DAP3: variants seen among roughly 807,000 people sequenced by gnomAD.
DAP3 encodes the protein death associated protein 3, also known as small ribosomal subunit protein mS29.
A neutral mutation model predicts 51.9 loss-of-function variants in DAP3; 28 were observed. The ratio of observed to expected loss-of-function variants is 0.54; its 90% confidence interval spans 0.40 to 0.74. DAP3 has a LOEUF of 0.74. Among genes scored for constraint, DAP3 ranks in the 30% least tolerant of loss-of-function variants. DAP3 has a pLI of 0.00. For missense variants in DAP3, 458 were observed against 483.5 expected (o/e 0.95, Z 0.49); for synonymous variants, 170 against 170.3 (o/e 1.00, Z 0.01).
chr1:155,721,359 T>C (rs1286734224), intron 3 of DAP3, among the ~76,000 whole-genome samples, 158 bp from the exon 4 acceptor site: 1 of 147,748 alleles, frequency 6.8e-6, no homozygotes, highest in African/African-American at 2.5e-5. Flanking sequence ...TATGTATGTG[T>C]ATATATATAT....
At position 155,723,616 on chromosome 1, in the gene DAP3, A is replaced by G. The variant is rs551174169; in HGVS notation, c.271-1766A>G. Among the ~76,000 whole-genome samples, 17 of 152,314 alleles carry G rather than the reference A, an allele frequency of 1.1e-4. No individual in the cohort carries two copies. In the South Asian group the frequency reaches 3.3e-3, roughly 30 times the overall value. ...AGTGCTGGGATTACAGGGATGAGCC[A>G]CCACGCCCAGCCAACATTTGTTTTA... On this transcript the variant is annotated intron_variant, in intron 4 of 12. Coordinates refer to ENST00000368336, the MANE Select transcript of DAP3 (RefSeq NM_004632.4).
upstream of DAP3, chr1:155,688,988 G>T (rs1429580989): frequency 6.2e-7 from 1 of 1,603,060 alleles, no homozygotes; most frequent in Admixed American, 1.7e-5. Flanking sequence ...GGACCGCGGC[G>T]AGGGGATCGA....
In DAP3 at chr1:155,729,134, A is replaced by C. The variant is rs774925517; in HGVS notation, c.684+12A>C. 6 of 1,614,030 alleles carry C rather than the reference A, an allele frequency of 3.7e-6. No homozygotes were observed. Reference sequence around the variant, plus strand: ...AAGTGGTTGAACAGGTATAAGAAAAAACACTGAATGTGTAACATGCGATAA... The same window carrying C: ...AAGTGGTTGAACAGGTATAAGAAAACACACTGAATGTGTAACATGCGATAA... On this transcript the variant is annotated intron_variant, in intron 8 of 12. Coordinates refer to ENST00000368336, the MANE Select transcript of DAP3 (RefSeq NM_004632.4).
chr1:155,727,604 A>G lies in DAP3; in HGVS notation c.473-4A>G, dbSNP rs746641276. On this transcript the variant is annotated splice_region_variant and splice_polypyrimidine_tract_variant and intron_variant, in intron 6 of 12. Transcript: ENST00000368336. ...TTGTTTTCTTCTGCCTCTTTTTTTTAAAGCTCATCTTTGGGTGAAAAATTG... is the reference window on the plus strand; with the variant it reads ...TTGTTTTCTTCTGCCTCTTTTTTTTGAAGCTCATCTTTGGGTGAAAAATTG... 1.0e-5 allele frequency: 16 copies of G among 1,605,680 alleles called. No homozygotes were observed. The South Asian group carries it at 1.4e-4, about 15-fold the overall frequency.
Position 155,695,809 on chromosome 1 carries a change from A to G in DAP3, c.-8+6635A>G, listed in dbSNP as rs1005966039. On this transcript the variant is annotated intron_variant, in intron 1 of 12. Coordinates refer to ENST00000368336, the MANE Select transcript of DAP3 (RefSeq NM_004632.4). ...AGTTAGTGTGGATAACTTTACCACA[A>G]GGTCCCACATATGCCGCTTTCCCAG... 3.9e-5 allele frequency among the ~76,000 whole-genome samples: 6 copies of G among 152,240 alleles called. 1 individual carries two copies. The highest frequency in any genetic ancestry group is 1.4e-4 in the African/African-American group (6 of 41,462).
chr1:155,734,017 C>T (rs1323686265), intron 11 of DAP3, among the ~76,000 whole-genome samples: 2 of 151,940 alleles, frequency 1.3e-5, no homozygotes, highest in African/African-American at 4.8e-5. Context: ...ACTAGCTGGG[C>T]ATGGTGGCAT....
chr1:155,725,841 T>C, intron 5 of DAP3, 86 bp from the exon 6 acceptor site: 1 of 1,303,622 alleles, frequency 7.7e-7, no homozygotes, highest in Non-Finnish European at 1.1e-6. Flanking sequence ...TCCAACCCCA[T>C]CTCAAAAAAA....
intron 1 of DAP3, among the ~76,000 whole-genome samples, chr1:155,702,082 A>T (rs1412260756): frequency 6.8e-6 from 1 of 146,676 alleles, no homozygotes; most frequent in Non-Finnish European, 1.5e-5. Flanking sequence ...CAAAAAACTG[A>T]TTCTGTACCT....
At chr1:155,688,614 C>G, upstream of DAP3, 1 of 1,535,184 alleles carries the variant, frequency 6.5e-7, no homozygotes. Flanking sequence ...TCCACTCCCC[C>G]TCAGACCCTG....
intron 1 of DAP3, among the ~76,000 whole-genome samples, chr1:155,703,427 C>G (rs189316832): frequency 6.6e-6 from 1 of 152,248 alleles, no homozygotes; most frequent in African/African-American, 2.4e-5. Context: ...ATGGGGAAAC[C>G]GCCCCCATGA....
At position 155,689,171 on chromosome 1, in the gene DAP3, C is replaced by G. The variant is rs1653278799; in HGVS notation, c.-11C>G. On this transcript the variant is annotated 5_prime_UTR_variant, in exon 1 of 13. Transcript: ENST00000368336. ...TAGTCTGGAGAACTAGTCCTCGACT[C>G]ACGGTGAGGGAATGGACCGACACGG... 8.1e-6 allele frequency: 6 copies of G among 741,494 alleles called. No homozygotes were observed. The highest frequency in any genetic ancestry group is 1.4e-5 in the Non-Finnish European group (6 of 425,358). 45.9% of individuals were successfully genotyped at this position (741,494 alleles called of 1,614,324 possible).
At chr1:155,709,961 G>T in intron 2 of DAP3, 137 bp downstream of exon 2, 1 of 706,104 alleles carries the variant, frequency 1.4e-6, no homozygotes, top group Non-Finnish European at 2.3e-6. Flanking sequence ...TAGAATAATT[G>T]TGCTTGAGAA....
intron 4 of DAP3, 102 bp downstream of exon 4, chr1:155,721,720 T>A: frequency 8.7e-7 from 1 of 1,149,450 alleles, no homozygotes; most frequent in Non-Finnish European, 1.3e-6. Flanking sequence ...AGATGAAATT[T>A]AATCTGAAAA....
In DAP3 at chr1:155,731,974, C is replaced by A; in HGVS notation, c.934C>A (p.Gln312Lys). ...AGGCGCCATTGTGTCGGCTTTGAGC[C>A]AGACTGGGTCTCTCTTTAAGCCCCG... ...HGGAIVSALS[Q>K]TGSLFKPRKA... The change falls in exon 11 of 13, where the codon CAG (glutamine) becomes AAG (lysine). Residue 312 changes from glutamine to lysine, a missense_variant. By Grantham distance (53) the Gln-to-Lys change is moderately conservative. Transcript: ENST00000368336. 6.2e-7 allele frequency: 1 copy of A among 1,611,988 alleles called. No homozygotes were observed.
Position 155,721,990 on chromosome 1 carries a change from T to C in DAP3, c.270+372T>C, listed in dbSNP as rs1658071311. ...TTTTGATTAGATGCATTGGTTTTTA[T>C]TCTCTTGTGGATTTTGTGAAAATGT... On this transcript the variant is annotated intron_variant, in intron 4 of 12. Transcript: ENST00000368336. The C allele has an allele frequency of 1.0e-5, 3 of 300,232 alleles. No homozygotes were observed. In the South Asian group the frequency reaches 2.8e-4, roughly 28 times the overall value. 18.6% of individuals were successfully genotyped at this position (300,232 alleles called of 1,614,324 possible).
rs922471857 is a variant in DAP3 at position 155,721,388 on chromosome 1, ATATG to A, written c.169-117_169-114del. The A allele has an allele frequency of 6.2e-5, 26 of 418,314 alleles. 1 individual carries two copies. In the Admixed American group the frequency reaches 8.6e-4, roughly 14 times the overall value. 25.9% of individuals were successfully genotyped at this position (418,314 alleles called of 1,614,324 possible). On this transcript the variant is annotated intron_variant, in intron 3 of 12. Transcript: ENST00000368336. ...TATATATGTATGTATGTGTATATAT[ATATG>A]TATGTATGTATATATATATATATAT...
chr1:155,717,084 G>C lies in DAP3; in HGVS notation c.124G>C (p.Val42Leu). Residue 42 changes from valine (V) to leucine (L), a missense_variant, in exon 3 of 13, where the codon GTT becomes CTT. Val to Leu is a conservative substitution (Grantham distance 32). Transcript: ENST00000368336. ...IAAHLDNQVP[V>L]ESPRAISRTN... The stretch of plus-strand genomic sequence containing the variant: ...TGCTCACCTAGATAACCAGGTTCCA[G>C]TTGAGAGTCCGAGAGCTATTTCCCG... The C allele has an allele frequency of 2.5e-6, 4 of 1,614,144 alleles. No individual in the cohort carries two copies. The highest frequency in any genetic ancestry group is 3.4e-6 in the Non-Finnish European group (4 of 1,180,042).
chr1:155,698,857 G>A (rs1654835756), intron 1 of DAP3, among the ~76,000 whole-genome samples: 1 of 152,110 alleles, frequency 6.6e-6, no homozygotes, highest in East Asian at 1.9e-4. Context: ...CAAGTGCCCC[G>A]CTCACCTGCG....
intron 2 of DAP3, among the ~76,000 whole-genome samples, chr1:155,714,920 A>C (rs972778501): frequency 3.3e-5 from 5 of 149,650 alleles, no homozygotes; most frequent in African/African-American, 1.2e-4. Context: ...GCTGCTTGGT[A>C]GGCTGGGCAC....
Sources: gnomAD v4.1 joint callset for allele counts (sites outside exome capture counted in the v4.1 genomes callset) on GRCh38, gnomAD v4.1.1 for gene constraint, MANE v1.5 for transcripts, NCBI Gene and HGNC (gene_info 2026-07-23, HGNC 2026-07-21) for gene names.